KPNA6: variants seen among roughly 807,000 people sequenced by gnomAD.
KPNA6 encodes importin subunit alpha-7.
In KPNA6, 9 loss-of-function variants were observed where a neutral mutation model predicts 72.0. The ratio of observed to expected loss-of-function variants is 0.13; its 90% CI spans 0.08 to 0.22. The LOEUF is 0.22. KPNA6 is among the 10% of genes least tolerant of loss of function. The probability of loss-of-function intolerance (pLI) is 1.00; values close to 1 mark genes in which losing one functional copy is unlikely to be tolerated. For missense variants in KPNA6, 374 were observed against 655.7 expected (o/e 0.57, Z 4.69); for synonymous variants, 219 against 242.1 (o/e 0.90, Z 0.89).
At chr1:32,159,376 A>G (rs1642197796) in intron 5 of KPNA6, 24 bp from the exon 6 acceptor site, 7 of 1,612,708 alleles carry the variant, frequency 4.3e-6, no homozygotes, top group East Asian at 2.2e-5. Context: ...TGACCTTTCA[A>G]TCATTGCTTA....
intron 1 of KPNA6, among the ~76,000 whole-genome samples, chr1:32,119,032 A>ATTTTTTTTTTTT (rs71006332): frequency 2.5e-5 from 1 of 40,274 alleles, no homozygotes; most frequent in African/African-American, 1.0e-4. Flanking sequence ...ATATATATAT[A>ATTTTTTTTTTTT]TTTTTTTTTT....
In KPNA6 at chr1:32,157,677, C is replaced by T. The variant is rs150861396; in HGVS notation, c.331+232C>T. Among the ~76,000 whole-genome samples the T allele has an allele frequency of 2.1e-3, 317 of 152,216 alleles. 1 individual carries two copies. The highest frequency in any genetic ancestry group is 3.8e-3 in the Non-Finnish European group (260 of 68,006). ...ACTCCCTTACTCCTATGATTAAATC[C>T]CACCTTCAACAGTTTTATCTTTTTA... On this transcript the variant is annotated intron_variant, in intron 4 of 13. Coordinates refer to ENST00000373625, the MANE Select transcript of KPNA6 (RefSeq NM_012316.5).
Position 32,163,292 on chromosome 1 carries a change from T to C in KPNA6, c.969T>C (p.Thr323=). The change falls in exon 10 of 14, where the codon ACT becomes ACC. Residue 323 remains threonine, a synonymous_variant. Transcript: ENST00000373625. ...PALRAVGNIV[T]GDDIQTQVIL... ...TGAGAGCCGTGGGTAACATCGTCAC[T>C]GGGGATGACATCCAGACCCAGGTAA... 6.2e-7 allele frequency: 1 copy of C among 1,612,566 alleles called. No homozygotes were observed. The highest frequency in any genetic ancestry group is 8.5e-7 in the Non-Finnish European group (1 of 1,179,156).
At position 32,158,311 on chromosome 1, in the gene KPNA6, G is replaced by A. The variant is rs1334208325; in HGVS notation, c.376G>A (p.Val126Met). Residue 126 changes from valine to methionine, a missense_variant, in exon 5 of 14, where the codon GTG becomes ATG. Val to Met is a conservative substitution (Grantham distance 21). This residue lies in a region of KPNA6 where 298 missense variants were observed against 495.4 expected (regional missense o/e 0.60). Coordinates refer to ENST00000373625, the MANE Select transcript of KPNA6 (RefSeq NM_012316.5). ...IDEVINTPRV[V>M]DRFVEFLKRN... ...TGAAGTTATCAACACTCCAAGAGTG[G>A]TGGATCGGTTCGTGGAGTTTCTGAA... 1 of 1,613,562 alleles carries A rather than the reference G, an allele frequency of 6.2e-7. No homozygotes were observed. Among genetic ancestry groups the A allele is most frequent in the Non-Finnish European group, 8.5e-7 (1 of 1,179,608 alleles).
At chr1:32,128,377 A>G (rs1456522690) in intron 1 of KPNA6, among the ~76,000 whole-genome samples, 1 of 112,218 alleles carries the variant, frequency 8.9e-6, no homozygotes, top group Non-Finnish European at 1.8e-5. Context: ...TTTTTATATT[A>G]TATATGTATT....
At chr1:32,114,970 A>G (rs948505815) in intron 1 of KPNA6, among the ~76,000 whole-genome samples, 2 of 152,136 alleles carry the variant, frequency 1.3e-5, no homozygotes, top group African/African-American at 2.4e-5. Flanking sequence ...TCTCCTAAGT[A>G]GCTGGGATTA....
chr1:32,169,819 C>A, intron 12 of KPNA6, 63 bp from the exon 13 acceptor site: 2 of 1,433,058 alleles, frequency 1.4e-6, no homozygotes, highest in Non-Finnish European at 1.9e-6. Context: ...GAGTTCAGAG[C>A]ACCTGCCCAG....
intron 2 of KPNA6, among the ~76,000 whole-genome samples, chr1:32,155,261 A>G (rs1244525206): frequency 6.6e-6 from 1 of 150,884 alleles, no homozygotes; most frequent in Non-Finnish European, 1.5e-5. Context: ...CTTAGACATC[A>G]TTTATGTCTT....
intron 1 of KPNA6, among the ~76,000 whole-genome samples, chr1:32,132,265 C>A (rs1470670930): frequency 2.6e-5 from 4 of 151,820 alleles, no homozygotes; most frequent in Non-Finnish European, 2.9e-5. Flanking sequence ...GTCACCATGC[C>A]CGGCCCAGTG....
intron 1 of KPNA6, among the ~76,000 whole-genome samples, chr1:32,114,606 A>G (rs1472562801): frequency 2.0e-5 from 3 of 152,100 alleles, no homozygotes; most frequent in Non-Finnish European, 2.9e-5. Flanking sequence ...ATTGACTTCA[A>G]CTTAAAGGCC....
At chr1:32,157,920 A>G (rs1642172662) in intron 4 of KPNA6, among the ~76,000 whole-genome samples, 2 of 152,198 alleles carry the variant, frequency 1.3e-5, no homozygotes, top group Non-Finnish European at 2.9e-5. Context: ...TCAGTATATC[A>G]AATAGTCTTC....
Position 32,171,461 on chromosome 1 carries a change from TC to T in KPNA6, c.*568del, listed in dbSNP as rs1642435685. ...TGGATTGAGTTATTTAATTTTTTTT[TC>T]TTTTGCACATTTTTCTTGTATTAAG... On this transcript the variant is annotated 3_prime_UTR_variant, in exon 14 of 14. Coordinates refer to ENST00000373625, the MANE Select transcript of KPNA6 (RefSeq NM_012316.5). 1 of 152,144 alleles carries T rather than the reference TC, an allele frequency of 6.6e-6. No individual in the cohort carries two copies. The highest frequency in any genetic ancestry group is 2.4e-5 in the African/African-American group (1 of 41,418). 9.4% of individuals were successfully genotyped at this position (152,144 alleles called of 1,614,324 possible).
chr1:32,162,143 A>G, intron 8 of KPNA6, 97 bp downstream of exon 8: 1 of 1,033,194 alleles, frequency 9.7e-7, no homozygotes, highest in Non-Finnish European at 1.5e-6. Context: ...AAATCATGGG[A>G]AACTGAAAGA....
In KPNA6 at chr1:32,160,722, C is replaced by G. The variant is rs1186738464; in HGVS notation, c.647+19C>G. ...TGTTAACGTGAGTAATTATAATCATCTGTACCTGGGCGTCTACTGGGTGGC... is the reference window on the plus strand; with the variant it reads ...TGTTAACGTGAGTAATTATAATCATGTGTACCTGGGCGTCTACTGGGTGGC... On this transcript the variant is annotated intron_variant, in intron 7 of 13. Transcript: ENST00000373625. 6.3e-7 allele frequency: 1 copy of G among 1,596,420 alleles called. No homozygotes were observed. The highest frequency in any genetic ancestry group is 8.6e-7 in the Non-Finnish European group (1 of 1,163,892).
intron 1 of KPNA6, among the ~76,000 whole-genome samples, chr1:32,123,462 G>A (rs990484311): frequency 1.3e-5 from 2 of 151,998 alleles, no homozygotes; most frequent in African/African-American, 2.4e-5. Context: ...TAAACAGGGC[G>A]GGGCATGGTG....
intron 1 of KPNA6, among the ~76,000 whole-genome samples, chr1:32,128,829 C>A (rs1416297409): frequency 6.6e-6 from 1 of 152,064 alleles, no homozygotes; most frequent in Admixed American, 6.6e-5. Flanking sequence ...TTTGAAAAGC[C>A]ATCTTCAAAT....
chr1:32,131,274 CAA>C (rs755906755), intron 1 of KPNA6, among the ~76,000 whole-genome samples: 7 of 152,176 alleles, frequency 4.6e-5, no homozygotes, highest in African/African-American at 7.2e-5. Context: ...CGCTGGGCGA[CAA>C]GAGCGAAACT....
chr1:32,172,809 C>A lies in KPNA6; in HGVS notation c.*1915C>A. The A allele has an allele frequency of 2.8e-5, 7 of 252,948 alleles. No individual in the cohort carries two copies. Among genetic ancestry groups the A allele is most frequent in the East Asian group, 6.9e-5 (1 of 14,592 alleles). The allele number at this position is 252,948 out of a possible 1,614,324, so 15.7% of individuals were successfully genotyped here. A position where few individuals can be genotyped will look rare whatever the true frequency, so the allele number is the denominator to read the frequency against. ...GCATCCTGCTCCAAGCTCTGCTTTT[C>A]CTTCCTCTGAAACAATGCCATTCTT... is the stretch of plus-strand genomic sequence containing the variant. On this transcript the variant is annotated 3_prime_UTR_variant, in exon 14 of 14. Transcript: ENST00000373625.
chr1:32,112,079 G>A (rs978891341), intron 1 of KPNA6, among the ~76,000 whole-genome samples: 1 of 152,220 alleles, frequency 6.6e-6, no homozygotes, highest in African/African-American at 2.4e-5. Flanking sequence ...ATGGGCATAT[G>A]ATGCAGTTCT....
Sources: gnomAD v4.1 joint callset for allele counts (sites outside exome capture counted in the v4.1 genomes callset) on GRCh38, gnomAD v4.1.1 for gene constraint, gnomAD v4.1.1 regional missense constraint, MANE v1.5 for transcripts, NCBI Gene and HGNC (gene_info 2026-07-23, HGNC 2026-07-21) for gene names.